Variants in SFMBT1 observed in about 807,000 individuals in gnomAD.
The protein encoded by SFMBT1 is scm-like with four MBT domains protein 1.
SFMBT1 carries 32 observed loss-of-function variants against 108.7 expected under a neutral mutation model. The observed-to-expected ratio is 0.29, with a 90% CI of 0.22 to 0.40. The LOEUF (loss-of-function observed/expected upper bound fraction) is 0.40, where lower values mean the gene tolerates loss of function less well. Among genes scored for constraint, SFMBT1 ranks in the 10% least tolerant of loss-of-function variants. The pLI is 1.00. For synonymous variants in SFMBT1, 348 were observed against 369.5 expected (o/e 0.94, Z 0.67); for missense variants, 816 against 1,059.6 (o/e 0.77, Z 3.19).
chr3:53,009,918 T>C (rs1185092666), intron 1 of SFMBT1, among the ~76,000 whole-genome samples: 1 of 152,092 alleles, frequency 6.6e-6, no homozygotes, highest in African/African-American at 2.4e-5. Flanking sequence ...TCACACTGAG[T>C]AGGCTGAAAA....
chr3:52,922,287 T>C (rs1452034547), intron 10 of SFMBT1, among the ~76,000 whole-genome samples: 1 of 152,212 alleles, frequency 6.6e-6, no homozygotes. Flanking sequence ...TACTTGCATG[T>C]GTATCATAAG....
At chr3:52,970,900 A>G (rs751594081) in intron 1 of SFMBT1, among the ~76,000 whole-genome samples, 9 of 152,186 alleles carry the variant, frequency 5.9e-5, no homozygotes, top group Non-Finnish European at 1.0e-4. Context: ...TTGGGAGGCC[A>G]AGGCGGGCAG....
intron 1 of SFMBT1, among the ~76,000 whole-genome samples, chr3:53,023,449 T>A (rs1234230049): frequency 3.3e-5 from 5 of 152,364 alleles, no homozygotes; most frequent in African/African-American, 1.2e-4. Context: ...TGTGTTATTA[T>A]TTGGTGGCAC....
intron 4 of SFMBT1, among the ~76,000 whole-genome samples, chr3:52,938,148 C>A (rs995313358): frequency 1.3e-5 from 2 of 152,066 alleles, no homozygotes; most frequent in African/African-American, 4.8e-5. Context: ...ACATCTTTGT[C>A]CTTTTATTTT....
At chr3:52,987,210 T>C (rs1217724749) in intron 1 of SFMBT1, among the ~76,000 whole-genome samples, 1 of 152,022 alleles carries the variant, frequency 6.6e-6, no homozygotes, top group Non-Finnish European at 1.5e-5. Context: ...TGGCTTACAG[T>C]TAATTTTTTT....
intron 17 of SFMBT1, 102 bp downstream of exon 17, chr3:52,910,901 G>T: frequency 6.3e-6 from 6 of 958,154 alleles, no homozygotes; most frequent in South Asian, 4.4e-5. Context: ...GAAGAAGTTC[G>T]TGTGCCTCTG....
intron 8 of SFMBT1, among the ~76,000 whole-genome samples, chr3:52,928,884 T>C (rs925981845): frequency 6.6e-6 from 1 of 150,898 alleles, no homozygotes; most frequent in African/African-American, 2.4e-5. Flanking sequence ...TTTTTAATTT[T>C]TGTAGAGACT....
intron 1 of SFMBT1, among the ~76,000 whole-genome samples, chr3:53,041,562 G>A (rs1310308104): frequency 6.6e-6 from 1 of 151,990 alleles, no homozygotes; most frequent in Non-Finnish European, 1.5e-5. Flanking sequence ...GCCAGGAATG[G>A]TGGTGCATGC....
chr3:52,984,854 TA>T (rs1704851116), intron 1 of SFMBT1, among the ~76,000 whole-genome samples: 2 of 151,884 alleles, frequency 1.3e-5, no homozygotes, highest in South Asian at 4.2e-4. Flanking sequence ...CACAGTTGGC[TA>T]AGTATGACCA....
At chr3:53,020,334 G>A (rs901566055) in intron 1 of SFMBT1, among the ~76,000 whole-genome samples, 2 of 152,050 alleles carry the variant, frequency 1.3e-5, no homozygotes, top group Non-Finnish European at 2.9e-5. Flanking sequence ...AGGTTGCAGC[G>A]AGCCAAGATC....
At chr3:52,915,393 C>T (rs1344350444) in intron 14 of SFMBT1, among the ~76,000 whole-genome samples, 1 of 152,190 alleles carries the variant, frequency 6.6e-6, no homozygotes, top group Non-Finnish European at 1.5e-5. Flanking sequence ...CCTCTATGTA[C>T]AAATGATGTA....
At chr3:52,941,006 T>C (rs1190940576) in intron 4 of SFMBT1, among the ~76,000 whole-genome samples, 2 of 152,146 alleles carry the variant, frequency 1.3e-5, no homozygotes, top group African/African-American at 4.8e-5. Flanking sequence ...TGGCCTGTAC[T>C]CTTCAAAAAT....
chr3:53,013,277 G>T (rs1699014930), intron 1 of SFMBT1, among the ~76,000 whole-genome samples: 1 of 151,680 alleles, frequency 6.6e-6, no homozygotes, highest in Non-Finnish European at 1.5e-5. Flanking sequence ...AAATGGTAAG[G>T]GTAATCATTC....
At chr3:52,921,640 C>T (rs906315485) in intron 11 of SFMBT1, 65 bp downstream of exon 11, 15 of 1,558,258 alleles carry the variant, frequency 9.6e-6, no homozygotes, top group Non-Finnish European at 1.2e-5. Flanking sequence ...GGCAACATTA[C>T]AGGAGTAAAC....
At position 52,907,145 on chromosome 3, in the gene SFMBT1, G is replaced by A. The variant is rs773165013; in HGVS notation, c.2255C>T (p.Pro752Leu). Residue 752 changes from proline to leucine, a missense_variant, in exon 19 of 21, where the codon CCA becomes CTA. Coordinates refer to ENST00000394752, the MANE Select transcript of SFMBT1 (RefSeq NM_016329.4). ...TQSEISTSLP[P>L]DRQRRKRELR... ...CTCCCTTTTTCTCCTTTGTCTATCTGGAGGCAGCGATGTGGATATCTCACT... is the reference window on the plus strand; with the variant it reads ...CTCCCTTTTTCTCCTTTGTCTATCTAGAGGCAGCGATGTGGATATCTCACT... The A allele has an allele frequency of 1.9e-6, 3 of 1,614,178 alleles. No individual in the cohort carries two copies. Among genetic ancestry groups the A allele is most frequent in the African/African-American group, 2.7e-5 (2 of 75,030 alleles).
intron 1 of SFMBT1, among the ~76,000 whole-genome samples, chr3:53,009,133 A>C (rs1698856496): frequency 1.3e-5 from 2 of 151,872 alleles, no homozygotes. Flanking sequence ...AAAATGAAAA[A>C]AGAAAAAACA....
intron 1 of SFMBT1, among the ~76,000 whole-genome samples, chr3:52,997,691 A>G (rs976354540): frequency 2.0e-5 from 3 of 150,644 alleles, no homozygotes; most frequent in African/African-American, 7.3e-5. Flanking sequence ...AATTTCTAGA[A>G]AAGGCAAAAT....
At chr3:52,994,004 C>T (rs546997830) in intron 1 of SFMBT1, among the ~76,000 whole-genome samples, 1 of 150,292 alleles carries the variant, frequency 6.7e-6, no homozygotes, top group African/African-American at 2.4e-5. Flanking sequence ...GACTGTAAAG[C>T]ACATCTTTAT....
chr3:52,966,876 A>G (rs1050853572), intron 2 of SFMBT1, among the ~76,000 whole-genome samples: 2 of 151,076 alleles, frequency 1.3e-5, no homozygotes, highest in Non-Finnish European at 3.0e-5. Context: ...AATTATAAAT[A>G]AAAGAGGGTA....
Sources: gnomAD v4.1 joint callset for allele counts (sites outside exome capture counted in the v4.1 genomes callset) on GRCh38, gnomAD v4.1.1 for gene constraint, MANE v1.5 for transcripts, NCBI Gene and HGNC (gene_info 2026-07-23, HGNC 2026-07-21) for gene names.